CAP1: variants seen among roughly 807,000 people sequenced by gnomAD.
The protein encoded by CAP1 is cyclase associated actin cytoskeleton regulatory protein 1, also known as adenylyl cyclase-associated protein 1.
Under a neutral mutation model 58.2 loss-of-function variants are expected in CAP1, and 11 were observed. The ratio of observed to expected loss-of-function variants is 0.19; its 90% confidence interval spans 0.12 to 0.31. CAP1 has a LOEUF of 0.31. CAP1 is among the 10% of genes least tolerant of loss of function. The probability of loss-of-function intolerance (pLI) is 1.00; values close to 1 mark genes in which losing one functional copy is unlikely to be tolerated. For synonymous variants in CAP1, 183 were observed against 213.8 expected (o/e 0.86, Z 1.26); for missense variants, 423 against 587.5 (o/e 0.72, Z 2.89).
intron 9 of CAP1, 72 bp downstream of exon 9, chr1:40,069,946 G>C: frequency 3.4e-6 from 5 of 1,462,588 alleles, no homozygotes; most frequent in Admixed American, 2.6e-5. Context: ...GTTTCACTTT[G>C]TCGCCCAGGC....
At chr1:40,065,011 A>T (rs1047716785) in intron 6 of CAP1, among the ~76,000 whole-genome samples, 1 of 152,232 alleles carries the variant, frequency 6.6e-6, no homozygotes, top group Non-Finnish European at 1.5e-5. Flanking sequence ...ATTGTCTCAC[A>T]GCTGCATTTG....
chr1:40,064,580 C>CT lies in CAP1; in HGVS notation c.524+28dup, dbSNP rs765353403. On this transcript the variant is annotated intron_variant, in intron 6 of 12. Coordinates refer to ENST00000372805, the MANE Select transcript of CAP1 (RefSeq NM_006367.4). ...GATGTGTAAGTTCAGCCTTTTCTCT[C>CT]TTTTTTTCTTTTCTGAGACAGTGTC... is the stretch of plus-strand genomic sequence containing the variant. The CT allele has an allele frequency of 2.5e-6, 4 of 1,578,292 alleles. No homozygotes were observed. In the African/African-American group the frequency reaches 4.0e-5, roughly 16 times the overall value.
At chr1:40,070,356 A>G in intron 10 of CAP1, 74 bp downstream of exon 10, 1 of 1,606,260 alleles carries the variant, frequency 6.2e-7, no homozygotes, top group East Asian at 2.2e-5. Context: ...TACCTACCCT[A>G]TCCTTAAAGA....
intron 6 of CAP1, among the ~76,000 whole-genome samples, chr1:40,065,632 T>G (rs1437610376): frequency 6.6e-6 from 1 of 152,330 alleles, no homozygotes; most frequent in Non-Finnish European, 1.5e-5. Flanking sequence ...AGTTAATACA[T>G]AAGAAGAGAG....
chr1:40,070,901 G>C lies in CAP1; in HGVS notation c.1266G>C (p.Lys422Asn). 1 of 1,613,888 alleles carries C rather than the reference G, an allele frequency of 6.2e-7. No homozygotes were observed. The change falls in exon 12 of 13, where the codon AAG becomes AAC. Residue 422 changes from lysine to asparagine, a missense_variant. Coordinates refer to ENST00000372805, the MANE Select transcript of CAP1 (RefSeq NM_006367.4). The stretch of plus-strand genomic sequence containing the variant: ...ATGGCTGCCATGCTTACCTGAGCAA[G>C]AATTCCCTGGATTGTGAAATAGTCA... ...KTDGCHAYLS[K>N]NSLDCEIVSA...
chr1:40,069,125 C>T (rs953443784), intron 8 of CAP1, among the ~76,000 whole-genome samples: 12 of 152,180 alleles, frequency 7.9e-5, no homozygotes, highest in Non-Finnish European at 1.6e-4. Context: ...TGAGCCACAG[C>T]GCCTGGCCTA....
rs749897405 is a variant in CAP1, at chr1:40,064,225, A to T, written c.295-2A>T. On this transcript the variant is annotated splice_acceptor_variant, in intron 4 of 12. Transcript: ENST00000372805. LOFTEE classifies it high-confidence loss of function. ...TGAATCTTTTCTTGTATCTTTTCCT[A>T]GAATAAGCTTTCCGATTTGTTGGCA... The T allele has an allele frequency of 2.5e-6, 4 of 1,613,858 alleles. No homozygotes were observed. Among genetic ancestry groups the T allele is most frequent in the Non-Finnish European group, 3.4e-6 (4 of 1,179,846 alleles).
Position 40,072,369 on chromosome 1 carries a change from T to C in CAP1, c.*836T>C. On this transcript the variant is annotated 3_prime_UTR_variant, in exon 13 of 13. Transcript: ENST00000372805. ...TGCCTCCTTTTCCCTGTCATGCTCA[T>C]CAGCTTATGGCTTCTGTCTAAGCAC... is the stretch of plus-strand genomic sequence containing the variant. 3.3e-6 allele frequency: 1 copy of C among 302,702 alleles called. No individual in the cohort carries two copies. The highest frequency in any genetic ancestry group is 8.8e-4 in the Middle Eastern group (1 of 1,132). The allele number at this position is 302,702 out of a possible 1,614,324, so 18.8% of individuals were successfully genotyped here. A position where few individuals can be genotyped will look rare whatever the true frequency, so the allele number is the denominator to read the frequency against.
At chr1:40,054,300 C>T (rs905876946) in intron 1 of CAP1, among the ~76,000 whole-genome samples, 8 of 150,484 alleles carry the variant, frequency 5.3e-5, no homozygotes, top group African/African-American at 1.5e-4. Flanking sequence ...AAGCAATTCT[C>T]ATGCCTCAGC....
Position 40,049,178 on chromosome 1 carries a change from ATTTT to A in CAP1, c.-11+8400_-11+8403del, listed in dbSNP as rs72214452. 2.6e-4 allele frequency among the ~76,000 whole-genome samples: 22 copies of A among 84,884 alleles called. No individual in the cohort carries two copies. The East Asian group carries it at 4.1e-3, about 16-fold the overall frequency. The allele number at this position is 84,884 out of a possible 152,430, so 55.7% of individuals were successfully genotyped here. A position where few individuals can be genotyped will look rare whatever the true frequency, so the allele number is the denominator to read the frequency against. ...TGGCAGGAATCACTAGCCATTTCTA[ATTTT>A]TTTTTTTTTTTTTTTTTTTTTTGAG... On this transcript the variant is annotated intron_variant, in intron 1 of 12. Coordinates refer to ENST00000372805, the MANE Select transcript of CAP1 (RefSeq NM_006367.4).
At chr1:40,071,120 A>G in intron 12 of CAP1, 141 bp downstream of exon 12, 1 of 829,464 alleles carries the variant, frequency 1.2e-6, no homozygotes, top group Non-Finnish European at 1.9e-6. Context: ...CACAGAAATG[A>G]GGTAGTCCCA....
Position 40,069,763 on chromosome 1 carries a change from C to T in CAP1, c.882C>T (p.Arg294=), listed in dbSNP as rs541465362. The part of the protein sequence containing the change: ...PALKAQSGPV[R]SGPKPFSAPK... ...TGAAGGCTCAGAGTGGTCCAGTACG[C>T]AGTGGCCCCAAACCATTCTCTGCAC... The change falls in exon 9 of 13, where the codon CGC becomes CGT. Residue 294 remains arginine, a synonymous_variant. Coordinates refer to ENST00000372805, the MANE Select transcript of CAP1 (RefSeq NM_006367.4). The T allele has an allele frequency of 1.9e-6, 3 of 1,613,646 alleles. No individual in the cohort carries two copies. The highest frequency in any genetic ancestry group is 1.7e-5 in the Admixed American group (1 of 59,892).
rs572804504 is a variant in CAP1 at position 40,043,195 on chromosome 1, T to TTTTG, written c.-11+2410_-11+2413dup. ...GATGTCGGCCAAGTTGTGAAGGGCT[T>TTTTG]TTTGTTTGTTTGTTTGTTTTGAGAC... On this transcript the variant is annotated intron_variant, in intron 1 of 12. Transcript: ENST00000372805. 6.8e-4 allele frequency among the ~76,000 whole-genome samples: 103 copies of TTTTG among 152,008 alleles called. 2 individuals are homozygous for TTTTG. The East Asian group carries it at 0.017, about 26-fold the overall frequency.
intron 4 of CAP1, 120 bp from the exon 5 acceptor site, chr1:40,064,107 C>T (rs879005479): frequency 2.3e-6 from 2 of 865,070 alleles, no homozygotes; most frequent in South Asian, 3.2e-5. Flanking sequence ...GGACAGGACT[C>T]ATGCAGTTTA....
intron 9 of CAP1, 26 bp downstream of exon 9, chr1:40,069,900 G>C (rs749964373): frequency 1.3e-6 from 2 of 1,517,574 alleles, no homozygotes; most frequent in Non-Finnish European, 1.8e-6. Context: ...CTAGACAGGG[G>C]CAGGTATTTT....
intron 1 of CAP1, among the ~76,000 whole-genome samples, chr1:40,050,814 C>G (rs1646328479): frequency 6.6e-6 from 1 of 152,216 alleles, no homozygotes; most frequent in African/African-American, 2.4e-5. Context: ...AAGCTCTTTG[C>G]TTTCATCATA....
At chr1:40,043,801 C>G (rs912973949) in intron 1 of CAP1, among the ~76,000 whole-genome samples, 1 of 151,668 alleles carries the variant, frequency 6.6e-6, no homozygotes, top group African/African-American at 2.4e-5. Context: ...CGCTTGAACC[C>G]GGGAGGCGGA....
At chr1:40,071,294 A>G (rs900880606) in intron 12 of CAP1, among the ~76,000 whole-genome samples, 156 bp from the exon 13 acceptor site, 1 of 152,204 alleles carries the variant, frequency 6.6e-6, no homozygotes, top group Non-Finnish European at 1.5e-5. Context: ...ATCGCTGAAC[A>G]CTAGAACATA....
At chr1:40,070,338 TA>T in intron 10 of CAP1, 56 bp downstream of exon 10, 3 of 1,611,614 alleles carry the variant, frequency 1.9e-6, no homozygotes, top group Non-Finnish European at 2.5e-6. Flanking sequence ...AGAAGGCTAA[TA>T]CCATTTTACC....
Sources: gnomAD v4.1 joint callset for allele counts (sites outside exome capture counted in the v4.1 genomes callset) on GRCh38, gnomAD v4.1.1 for gene constraint, MANE v1.5 for transcripts, NCBI Gene and HGNC (gene_info 2026-07-23, HGNC 2026-07-21) for gene names.